Variants in LTBR observed in about 807,000 individuals in gnomAD.
The protein encoded by LTBR is lymphotoxin beta receptor, also known as tumor necrosis factor receptor superfamily member 3.
In LTBR, 15 loss-of-function variants were observed where a neutral mutation model predicts 45.4. That is an observed-to-expected ratio of 0.33 (90% CI 0.22 to 0.51). LTBR has a LOEUF of 0.51. LTBR is among the 20% of genes least tolerant of loss of function. LTBR has a pLI of 0.97. For missense variants in LTBR, 450 were observed against 565.5 expected, an observed-to-expected ratio of 0.80 and a Z score of 2.07; for synonymous variants, 228 against 231.0, an observed-to-expected ratio of 0.99 and a Z score of 0.12.
chr12:6,391,168 C>T lies in LTBR; in HGVS notation c.*231C>T, dbSNP rs1949109907. On this transcript the variant is annotated 3_prime_UTR_variant, in exon 10 of 10. Coordinates refer to ENST00000228918, the MANE Select transcript of LTBR (RefSeq NM_002342.3). ...CCTGAGGCCTCCCGGCAGACCCACC[C>T]ACCCCCTGGGGCTGCTCAGCCTCAG... 1 of 424,178 alleles carries T rather than the reference C, an allele frequency of 2.4e-6. No homozygotes were observed. The allele number at this position is 424,178 out of a possible 1,614,324, so 26.3% of individuals were successfully genotyped here.
upstream of LTBR, chr12:6,383,908 G>T (rs546225009): frequency 1.3e-5 from 7 of 555,322 alleles, no homozygotes; most frequent in South Asian, 4.7e-4. Flanking sequence ...TGCGAGGCTT[G>T]TCCAAGGGCT....
In LTBR at chr12:6,388,576, T is replaced by A; in HGVS notation, c.775+71T>A. The A allele has an allele frequency of 7.4e-7, 1 of 1,354,674 alleles. No individual in the cohort carries two copies. Among genetic ancestry groups the A allele is most frequent in the Non-Finnish European group, 1.1e-6 (1 of 948,042 alleles). The allele number at this position is 1,354,674 out of a possible 1,614,324, so 83.9% of individuals were successfully genotyped here. On this transcript the variant is annotated intron_variant, in intron 7 of 9. Transcript: ENST00000228918. This position sits in a 1 kb window ranked among gnomAD's most constrained non-coding sequence, Gnocchi z 4.3. ...AGGGAGGAATATTCAACTTCCCCGG[T>A]GCAACCCTCCACACCCTCAAGACTC...
chr12:6,381,112 G>T (rs1948979900), upstream of LTBR, among the ~76,000 whole-genome samples: 1 of 152,146 alleles, frequency 6.6e-6, no homozygotes, highest in African/African-American at 2.4e-5. Flanking sequence ...TTAACACAGA[G>T]AACTAACTGG....
Position 6,390,354 on chromosome 12 carries a change from A to G in LTBR, c.1030+14A>G. 1 of 1,573,352 alleles carries G rather than the reference A, an allele frequency of 6.4e-7. No homozygotes were observed. Among genetic ancestry groups the G allele is most frequent in the Non-Finnish European group, 8.7e-7 (1 of 1,154,388 alleles). On this transcript the variant is annotated intron_variant, in intron 9 of 9. Transcript: ENST00000228918. ...AGGTGGCCCACGGTGAGCCTGGGGCAGGGAGAAGAGAGGAAGGATGGGGAG... is the reference window on the plus strand; with the variant it reads ...AGGTGGCCCACGGTGAGCCTGGGGCGGGGAGAAGAGAGGAAGGATGGGGAG...
rs1949049637 is a variant in LTBR at position 6,386,463 on chromosome 12, G to C, written c.667+19G>C. 1.4e-6 allele frequency: 2 copies of C among 1,469,916 alleles called. No homozygotes were observed. The highest frequency in any genetic ancestry group is 5.4e-5 in the African/African-American group (2 of 36,960). The allele number at this position is 1,469,916 out of a possible 1,614,324, so 91.1% of individuals were successfully genotyped here. On this transcript the variant is annotated intron_variant, in intron 6 of 9. Transcript: ENST00000228918. The surrounding 1 kb of genome is among the most constrained non-coding windows in gnomAD (Gnocchi z 4.1). Reference sequence around the variant, plus strand: ...ATGTCAGGTGAGGGACCAGGGCTGAGGGACACGGGGGGGGCGCCTCTGAAA... The same window carrying C: ...ATGTCAGGTGAGGGACCAGGGCTGACGGACACGGGGGGGGCGCCTCTGAAA...
chr12:6,387,863 T>C, intron 6 of LTBR: 1 of 455,344 alleles, frequency 2.2e-6, no homozygotes, highest in Middle Eastern at 3.3e-4. Context: ...CACAGGCAGT[T>C]CCGAAGCAAG....
Position 6,386,429 on chromosome 12 carries a change from C to G in LTBR, c.652C>G (p.Pro218Ala), listed in dbSNP as rs769445762. 3.1e-6 allele frequency: 5 copies of G among 1,613,064 alleles called. No homozygotes were observed. In the East Asian group the frequency reaches 1.1e-4, roughly 36 times the overall value. The change falls in exon 6 of 10, where the codon CCC becomes GCC. Residue 218 changes from proline to alanine, a missense_variant. Pro to Ala is a conservative substitution (Grantham distance 27). Transcript: ENST00000228918. The surrounding 1 kb of genome is among the most constrained non-coding windows in gnomAD (Gnocchi z 4.1). ...CTGCAAAAATCCATTAGAGCCACTGCCCCCAGAGATGTCAGGTGAGGGACC... is the reference window on the plus strand; with the variant it reads ...CTGCAAAAATCCATTAGAGCCACTGGCCCCAGAGATGTCAGGTGAGGGACC... ...TTCKNPLEPL[P>A]PEMSGTMLML...
chr12:6,375,684 G>A, intron 1 of LTBR: 1 of 1,449,820 alleles, frequency 6.9e-7, no homozygotes, highest in Admixed American at 2.5e-5. Flanking sequence ...TGAACTGGGA[G>A]TACTGGACCT....
At chr12:6,381,834 A>G (rs979172037), upstream of LTBR, among the ~76,000 whole-genome samples, 6 of 152,162 alleles carry the variant, frequency 3.9e-5, no homozygotes, top group South Asian at 8.3e-4. Context: ...TCAGCCAGGC[A>G]TGGTGGCAGG....
At chr12:6,381,556 G>A (rs1279234728), upstream of LTBR, among the ~76,000 whole-genome samples, 2 of 152,342 alleles carry the variant, frequency 1.3e-5, no homozygotes, top group African/African-American at 2.4e-5. Context: ...GCCAGCTTAC[G>A]GCTGGCAGCA....
chr12:6,376,140 GAGAGA>G (rs2136917804), intron 1 of LTBR: 3 of 986,434 alleles, frequency 3.0e-6, no homozygotes, highest in East Asian at 1.1e-4. Context: ...CTGCAGAGAA[GAGAGA>G]AGAGGTCTCT....
At chr12:6,385,405 GT>G (rs1949028461) in intron 4 of LTBR, 26 bp downstream of exon 4, 1 of 1,611,578 alleles carries the variant, frequency 6.2e-7, no homozygotes, top group Non-Finnish European at 8.5e-7. Context: ...GGGGCTGGAT[GT>G]GAAAAGGAGG....
chr12:6,379,479 G>C (rs1948956365), upstream of LTBR, among the ~76,000 whole-genome samples: 1 of 151,930 alleles, frequency 6.6e-6, no homozygotes, highest in African/African-American at 2.4e-5. Flanking sequence ...TTACTACTTG[G>C]AGCTAATTAG....
intron 8 of LTBR, chr12:6,389,889 T>G (rs903476644): frequency 3.7e-6 from 2 of 534,596 alleles, no homozygotes; most frequent in African/African-American, 3.8e-5. Flanking sequence ...CAAGAGTTCA[T>G]GAGCCTGCAG....
At position 6,386,832 on chromosome 12, in the gene LTBR, T is replaced by G. The variant is rs1949055879; in HGVS notation, c.667+388T>G. On this transcript the variant is annotated intron_variant, in intron 6 of 9. Coordinates refer to ENST00000228918, the MANE Select transcript of LTBR (RefSeq NM_002342.3). This position sits in a 1 kb window ranked among gnomAD's most constrained non-coding sequence, Gnocchi z 4.1. ...TTTATTATTAGACAGAAGATTCCCA[T>G]TTGACTCTTTCTTGACTGTTTCCTG... is the stretch of plus-strand genomic sequence containing the variant. 5.9e-6 allele frequency: 1 copy of G among 170,504 alleles called. No homozygotes were observed. Among genetic ancestry groups the G allele is most frequent in the African/African-American group, 2.4e-5 (1 of 41,788 alleles). The allele number at this position is 170,504 out of a possible 1,614,324, so 10.6% of individuals were successfully genotyped here. A position where few individuals can be genotyped will look rare whatever the true frequency, so the allele number is the denominator to read the frequency against.
upstream of LTBR, among the ~76,000 whole-genome samples, chr12:6,383,866 C>T (rs1367218520): frequency 1.3e-5 from 2 of 152,214 alleles, no homozygotes; most frequent in African/African-American, 4.8e-5. Flanking sequence ...CCAGCTGTCC[C>T]TTGCGCTCTC....
rs1307217195 is a variant in LTBR at position 6,390,294 on chromosome 12, C to T, written c.984C>T (p.Thr328=). ...VPQQQSPLDL[T]REPQLEPGEQ... is the part of the protein sequence containing the mutation. The stretch of plus-strand genomic sequence containing the variant: ...AACAGCAGAGTCCTCTGGACCTGAC[C>T]AGGGAGCCGCAGTTGGAACCCGGGG... Residue 328 remains threonine (T), a synonymous_variant, in exon 9 of 10, where the codon ACC becomes ACT. Transcript: ENST00000228918. The T allele has an allele frequency of 6.2e-7, 1 of 1,612,424 alleles. No homozygotes were observed. Among genetic ancestry groups the T allele is most frequent in the African/African-American group, 1.3e-5 (1 of 74,770 alleles).
chr12:6,386,184 C>A lies in LTBR; in HGVS notation c.569+22C>A. The A allele has an allele frequency of 3.8e-6, 6 of 1,592,148 alleles. No individual in the cohort carries two copies. The highest frequency in any genetic ancestry group is 5.2e-6 in the Non-Finnish European group (6 of 1,160,540). ...CCAGGTGAGTGCAGCCCCACCCAAGCTCCTTCCACCCTCTGAGAAGCCTCA... is the reference window on the plus strand; with the variant it reads ...CCAGGTGAGTGCAGCCCCACCCAAGATCCTTCCACCCTCTGAGAAGCCTCA... On this transcript the variant is annotated intron_variant, in intron 5 of 9. Transcript: ENST00000228918. This position sits in a 1 kb window ranked among gnomAD's most constrained non-coding sequence, Gnocchi z 4.1.
chr12:6,388,630 T>A lies in LTBR; in HGVS notation c.775+125T>A. On this transcript the variant is annotated intron_variant, in intron 7 of 9. Coordinates refer to ENST00000228918, the MANE Select transcript of LTBR (RefSeq NM_002342.3). This position sits in a 1 kb window ranked among gnomAD's most constrained non-coding sequence, Gnocchi z 4.3. Reference sequence around the variant, plus strand: ...ATGCCTACCCCCAACATAGACATCCTTATCTTCATCCAGCTGCTTATTCTG... The same window carrying A: ...ATGCCTACCCCCAACATAGACATCCATATCTTCATCCAGCTGCTTATTCTG... The A allele has an allele frequency of 9.1e-7, 1 of 1,099,528 alleles. No homozygotes were observed. The highest frequency in any genetic ancestry group is 1.4e-6 in the Non-Finnish European group (1 of 727,976). The allele number at this position is 1,099,528 out of a possible 1,614,324, so 68.1% of individuals were successfully genotyped here. A position where few individuals can be genotyped will look rare whatever the true frequency, so the allele number is the denominator to read the frequency against.
Sources: gnomAD v4.1 joint callset for allele counts (sites outside exome capture counted in the v4.1 genomes callset) on GRCh38, gnomAD v4.1.1 for gene constraint, Gnocchi (gnomAD v3.1) non-coding constraint, MANE v1.5 for transcripts, NCBI Gene and HGNC (gene_info 2026-07-23, HGNC 2026-07-21) for gene names.